The following HTR3A variants were observed in gnomAD, a reference collection of about 807,000 sequenced individuals.
The protein encoded by HTR3A is 5-hydroxytryptamine receptor 3A.
In HTR3A, 45 loss-of-function variants were observed where a neutral mutation model predicts 54.8. The ratio of observed to expected loss-of-function variants is 0.82; its 90% CI spans 0.65 to 1.05. The LOEUF (loss-of-function observed/expected upper bound fraction) is 1.05, where lower values mean the gene tolerates loss of function less well. Ranked by LOEUF, HTR3A falls within the 50% of genes least tolerant of loss-of-function variation. The pLI, the probability that HTR3A is intolerant of heterozygous loss-of-function variation, is 0.00. For missense variants in HTR3A, 657 were observed against 614.0 expected (o/e 1.07, Z -0.74); for synonymous variants, 297 against 256.0 (o/e 1.16, Z -1.53).
At chr11:113,985,134 A>G (rs1950473919) in intron 5 of HTR3A, among the ~76,000 whole-genome samples, 1 of 152,154 alleles carries the variant, frequency 6.6e-6, no homozygotes, top group Non-Finnish European at 1.5e-5. Flanking sequence ...AGCACAGTAT[A>G]TTTTTCCAAA....
chr11:113,977,789 C>G lies in HTR3A; in HGVS notation c.86C>G (p.Thr29Ser). ...AQGEARRSRN[T>S]TRPALLRLSD... ...TTCCCAGCCAGGAGGAGCCGAAACA[C>G]CACCAGGCCCGCTCTGCTGAGGCTG... Residue 29 changes from threonine to serine, a missense_variant, in exon 2 of 9, where the codon ACC becomes AGC. Coordinates refer to ENST00000504030, the MANE Select transcript of HTR3A (RefSeq NM_000869.6). 1 of 1,614,132 alleles carries G rather than the reference C, an allele frequency of 6.2e-7. No homozygotes were observed. Among genetic ancestry groups the G allele is most frequent in the South Asian group, 1.1e-5 (1 of 91,076 alleles).
intron 3 of HTR3A, 114 bp downstream of exon 3, chr11:113,979,391 A>C (rs561912406): frequency 1.3e-6 from 1 of 777,442 alleles, no homozygotes; most frequent in Non-Finnish European, 2.3e-6. Context: ...GCTGAGGGGC[A>C]CCCTCAGCCT....
At position 113,990,144 on chromosome 11, in the gene HTR3A, G is replaced by A; in HGVS notation, c.*381G>A. 2 of 465,274 alleles carry A rather than the reference G, an allele frequency of 4.3e-6. No individual in the cohort carries two copies. Among genetic ancestry groups the A allele is most frequent in the Non-Finnish European group, 8.5e-6 (2 of 234,758 alleles). The allele number at this position is 465,274 out of a possible 1,614,324, so 28.8% of individuals were successfully genotyped here. ...CTTCTCTTTCACAACTTTGCTTTTA[G>A]GTTGAAGGCAAAACCAACTCTCTAC... On this transcript the variant is annotated 3_prime_UTR_variant, in exon 9 of 9. Transcript: ENST00000504030.
At chr11:113,988,909 A>G (rs769139912) in intron 8 of HTR3A, among the ~76,000 whole-genome samples, 4 of 152,258 alleles carry the variant, frequency 2.6e-5, no homozygotes, top group Non-Finnish European at 4.4e-5. Flanking sequence ...AAAGCAATAT[A>G]TAGGAAGGAT....
chr11:113,977,045 T>C (rs2137567786), intron 1 of HTR3A, among the ~76,000 whole-genome samples: 1 of 152,188 alleles, frequency 6.6e-6, no homozygotes, highest in East Asian at 1.9e-4. Context: ...TTTGATTTCT[T>C]CTCACTCCCT....
In HTR3A at chr11:113,977,397, A is replaced by G. The variant is rs532603402; in HGVS notation, c.68-374A>G. 4.1e-5 allele frequency: 27 copies of G among 659,980 alleles called. No homozygotes were observed. The African/African-American group carries it at 4.3e-4, about 11-fold the overall frequency. The allele number at this position is 659,980 out of a possible 1,614,324, so 40.9% of individuals were successfully genotyped here. On this transcript the variant is annotated intron_variant, in intron 1 of 8. Transcript: ENST00000504030. ...TTGCAACCCTCTTGCTTTTAGTATC[A>G]TACCCTGAGAGCCAGCTTCCTTGTT... is the stretch of plus-strand genomic sequence containing the variant.
In HTR3A at chr11:113,989,487, C is replaced by A. The variant is rs760870224; in HGVS notation, c.1161C>A (p.His387Gln). The A allele has an allele frequency of 6.2e-7, 1 of 1,614,194 alleles. No homozygotes were observed. The highest frequency in any genetic ancestry group is 1.7e-5 in the Admixed American group (1 of 60,034). Residue 387 changes from histidine to glutamine, a missense_variant, in exon 9 of 9, where the codon CAC becomes CAA. Transcript: ENST00000504030. The surrounding 1 kb of genome is among the most constrained non-coding windows in gnomAD (Gnocchi z 4.4). ...DCSAMGNHCS[H>Q]MGGPQDFEKS... Reference sequence around the variant, plus strand: ...CAGCCATGGGAAACCACTGCAGCCACATGGGAGGACCCCAGGACTTCGAGA... The same window carrying A: ...CAGCCATGGGAAACCACTGCAGCCAAATGGGAGGACCCCAGGACTTCGAGA...
At chr11:113,978,145 G>A (rs1164637312) in intron 2 of HTR3A, among the ~76,000 whole-genome samples, 4 of 152,178 alleles carry the variant, frequency 2.6e-5, no homozygotes, top group Non-Finnish European at 5.9e-5. Context: ...CATACAGTGA[G>A]GGGGTCACTT....
Position 113,989,628 on chromosome 11 carries a change from G to A in HTR3A, c.1302G>A (p.Glu434=), listed in dbSNP as rs376543330. 251 of 1,614,216 alleles carry A rather than the reference G, an allele frequency of 1.6e-4. 2 individuals carry two copies. The East Asian group carries it at 5.2e-3, about 33-fold the overall frequency. ...GGCAATTCCTGGAAAAGCGGGATGA[G>A]ATCCGAGAGGTGGCCCGAGACTGGC... ...SIRQFLEKRD[E]IREVARDWLR... is the part of the protein sequence containing the mutation. Residue 434 remains glutamate, a synonymous_variant, in exon 9 of 9, where the codon GAG becomes GAA. Coordinates refer to ENST00000504030, the MANE Select transcript of HTR3A (RefSeq NM_000869.6). The surrounding 1 kb of genome is among the most constrained non-coding windows in gnomAD (Gnocchi z 4.4).
In HTR3A at chr11:113,986,747, G is replaced by A. The variant is rs775071225; in HGVS notation, c.916+19G>A. On this transcript the variant is annotated intron_variant, in intron 7 of 8. Transcript: ENST00000504030. ...CTCATTGGTAAGGCCCCTCCTGGCA[G>A]CAGAGCTCAGTCTGGTGAGAAACCC... 4 of 1,614,070 alleles carry A rather than the reference G, an allele frequency of 2.5e-6. No homozygotes were observed. The highest frequency in any genetic ancestry group is 3.4e-6 in the Non-Finnish European group (4 of 1,180,040).
intron 5 of HTR3A, among the ~76,000 whole-genome samples, chr11:113,984,918 G>A (rs550219714): frequency 1.3e-4 from 12 of 88,894 alleles, no homozygotes; most frequent in Admixed American, 4.5e-4. Flanking sequence ...CTGAGACTCC[G>A]TCTCAAAAAA....
rs184029625 is a variant in HTR3A at position 113,976,684 on chromosome 11, G to A, written c.68-1087G>A. Among the ~76,000 whole-genome samples, 9 of 143,428 alleles carry A rather than the reference G, an allele frequency of 6.3e-5. No homozygotes were observed. In the South Asian group the frequency reaches 9.7e-4, roughly 16 times the overall value. 94.1% of individuals were successfully genotyped at this position (143,428 alleles called of 152,430 possible). On this transcript the variant is annotated intron_variant, in intron 1 of 8. Coordinates refer to ENST00000504030, the MANE Select transcript of HTR3A (RefSeq NM_000869.6). ...TCAGGGAAAAGGGGGTGAAAGGAGG[G>A]GGAATCTGCAGGAGTGATTTGTTGT...
chr11:113,983,260 C>G lies in HTR3A; in HGVS notation c.515C>G (p.Ser172Trp), dbSNP rs1458992954. Residue 172 changes from serine to tryptophan, a missense_variant, in exon 5 of 9, where the codon TCG becomes TGG. Physicochemically the swap from Ser to Trp is radical, Grantham distance 177. Transcript: ENST00000504030. ...TTCCCCTTCGATGTCCAGAACTGCT[C>G]GCTGACCTTCACCAGTTGGCTGCAC... ...YNFPFDVQNC[S>W]LTFTSWLHTI... 6.2e-7 allele frequency: 1 copy of G among 1,614,174 alleles called. No homozygotes were observed. Among genetic ancestry groups the G allele is most frequent in the Non-Finnish European group, 8.5e-7 (1 of 1,180,048 alleles).
chr11:113,985,961 C>G (rs182007521), intron 5 of HTR3A, 54 bp from the exon 6 acceptor site: 168 of 1,602,484 alleles, frequency 1.0e-4, no homozygotes, highest in Middle Eastern at 8.4e-4. Flanking sequence ...ATCACAGGGT[C>G]CAGCAGGCTC....
rs747949708 is a variant in HTR3A, at chr11:113,986,537, C to T, written c.725C>T (p.Pro242Leu). 2 of 1,612,710 alleles carry T rather than the reference C, an allele frequency of 1.2e-6. No individual in the cohort carries two copies. The highest frequency in any genetic ancestry group is 1.3e-5 in the African/African-American group (1 of 74,892). ...MKFYVVIRRR[P>L]LFYVVSLLLP... ...TCCCAGGTGGTCATCCGCCGGCGGC[C>T]CCTCTTCTATGTGGTCAGCCTGCTA... Residue 242 changes from proline (P) to leucine (L), a missense_variant, in exon 7 of 9, where the codon CCC (proline) becomes CTC (leucine). Transcript: ENST00000504030.
At position 113,987,063 on chromosome 11, in the gene HTR3A, A is replaced by C. The variant is rs1315700128; in HGVS notation, c.1138+17A>C. 5 of 1,611,422 alleles carry C rather than the reference A, an allele frequency of 3.1e-6. No individual in the cohort carries two copies. The highest frequency in any genetic ancestry group is 4.2e-6 in the Non-Finnish European group (5 of 1,179,492). On this transcript the variant is annotated intron_variant, in intron 8 of 8. Coordinates refer to ENST00000504030, the MANE Select transcript of HTR3A (RefSeq NM_000869.6). ...ACTGCTCAGGTGAGAAACAGAAGGG[A>C]AGAGTCCATACAGAGGGGCTGCTTC...
At position 113,989,361 on chromosome 11, in the gene HTR3A, A is replaced by T. The variant is rs1950525104; in HGVS notation, c.1139-104A>T. The T allele has an allele frequency of 7.6e-7, 1 of 1,318,678 alleles. No homozygotes were observed. The highest frequency in any genetic ancestry group is 1.1e-6 in the Non-Finnish European group (1 of 917,412). 81.7% of individuals were successfully genotyped at this position (1,318,678 alleles called of 1,614,324 possible). ...CTGGGTGACAGAGTGAGAAAAAAAA[A>T]GTTATTCCCAACAAAAATTTACAGG... On this transcript the variant is annotated intron_variant, in intron 8 of 8. Transcript: ENST00000504030. The surrounding 1 kb of genome is among the most constrained non-coding windows in gnomAD (Gnocchi z 4.4).
intron 8 of HTR3A, among the ~76,000 whole-genome samples, chr11:113,988,542 G>A (rs1239783670): frequency 3.3e-5 from 5 of 152,110 alleles, no homozygotes; most frequent in Non-Finnish European, 7.4e-5. Context: ...GGGGGTGGTG[G>A]ATCACGAGGT....
At position 113,989,677 on chromosome 11, in the gene HTR3A, A is replaced by C. The variant is rs771101210; in HGVS notation, c.1351A>C (p.Lys451Gln). 6.2e-7 allele frequency: 1 copy of C among 1,614,144 alleles called. No individual in the cohort carries two copies. Among genetic ancestry groups the C allele is most frequent in the Non-Finnish European group, 8.5e-7 (1 of 1,180,040 alleles). ...DWLRVGSVLDKLLFHIYLLAV... is the reference protein window; with the variant it reads ...DWLRVGSVLDQLLFHIYLLAV... ...GCTGCGCGTGGGCTCCGTGCTGGAC[A>C]AGCTGCTATTCCACATTTACCTGCT... The change falls in exon 9 of 9, where the codon AAG (lysine) becomes CAG (glutamine). Residue 451 changes from lysine to glutamine, a missense_variant. Lys to Gln is a moderately conservative substitution (Grantham distance 53). Coordinates refer to ENST00000504030, the MANE Select transcript of HTR3A (RefSeq NM_000869.6). The surrounding 1 kb of genome is among the most constrained non-coding windows in gnomAD (Gnocchi z 4.4).
Sources: gnomAD v4.1 joint callset for allele counts (sites outside exome capture counted in the v4.1 genomes callset) on GRCh38, gnomAD v4.1.1 for gene constraint, Gnocchi (gnomAD v3.1) non-coding constraint, MANE v1.5 for transcripts, NCBI Gene and HGNC (gene_info 2026-07-23, HGNC 2026-07-21) for gene names.